TNRC6A: variants seen among roughly 807,000 people sequenced by gnomAD.
The protein encoded by TNRC6A is trinucleotide repeat containing adaptor 6A, also known as trinucleotide repeat-containing gene 6A protein.
A neutral mutation model predicts 221.2 loss-of-function variants in TNRC6A; 44 were observed. That is an observed-to-expected ratio of 0.20 (90% CI 0.16 to 0.26). The LOEUF (loss-of-function observed/expected upper bound fraction) is 0.26, where lower values mean the gene tolerates loss of function less well. Among genes scored for constraint, TNRC6A ranks in the 10% least tolerant of loss-of-function variants. The probability of loss-of-function intolerance (pLI) is 1.00; values close to 1 mark genes in which losing one functional copy is unlikely to be tolerated. For synonymous variants in TNRC6A, 847 were observed against 838.5 expected (o/e 1.01, Z -0.18); for missense variants, 2,199 against 2,404.4 (o/e 0.91, Z 1.79).
chr16:24,804,334 T>C lies in TNRC6A; in HGVS notation c.3837+15T>C. 1.9e-6 allele frequency: 3 copies of C among 1,608,098 alleles called. No homozygotes were observed. Among genetic ancestry groups the C allele is most frequent in the Non-Finnish European group, 2.5e-6 (3 of 1,178,748 alleles). ...ATTTTGATAAGGTAAGGTTTTTTAC[T>C]TTTACCTCTGACTTGATAAACCAGT... On this transcript the variant is annotated intron_variant, in intron 12 of 24. Transcript: ENST00000395799.
At chr16:24,729,464 G>GC (rs957342732), upstream of TNRC6A, among the ~76,000 whole-genome samples, 41 of 151,528 alleles carry the variant, frequency 2.7e-4, 2 homozygotes, top group Non-Finnish European at 4.4e-4. Context: ...GACTCCGCAG[G>GC]CCCCCCCAGC....
chr16:24,820,146 T>C lies in TNRC6A; in HGVS notation c.5088T>C (p.Asn1696=). ...SSTAQSTSAR[N]SDSKLTWSPG... ...TTTTCCCCCTTTGAGTAGCCAGAAA[T>C]AGTGATTCCAAATTGACATGGTCTC... Residue 1696 remains asparagine (N), a synonymous_variant, in exon 22 of 25, where the codon AAT becomes AAC. Transcript: ENST00000395799. 6.2e-7 allele frequency: 1 copy of C among 1,614,104 alleles called. No homozygotes were observed. Among genetic ancestry groups the C allele is most frequent in the Non-Finnish European group, 8.5e-7 (1 of 1,179,978 alleles).
At chr16:24,804,431 A>G (rs938441190) in intron 12 of TNRC6A, 112 bp downstream of exon 12, 9 of 1,279,340 alleles carry the variant, frequency 7.0e-6, no homozygotes, top group Admixed American at 3.0e-5. Flanking sequence ...ACAATCCACT[A>G]CCAAATCTTA....
At chr16:24,612,703 C>A (rs141289811) in intron 1 of TNRC6A, among the ~76,000 whole-genome samples, 2 of 151,812 alleles carry the variant, frequency 1.3e-5, no homozygotes, top group Non-Finnish European at 1.5e-5. Flanking sequence ...GCCATGATTG[C>A]GCCACTGCAC....
At chr16:24,806,865 C>T in intron 17 of TNRC6A, 81 bp downstream of exon 17, 1 of 1,320,682 alleles carries the variant, frequency 7.6e-7, no homozygotes, top group Non-Finnish European at 1.1e-6. Flanking sequence ...CCTTACAGCT[C>T]TGTTCCTTCA....
intron 2 of TNRC6A, among the ~76,000 whole-genome samples, chr16:24,691,137 A>C (rs559777078): frequency 1.4e-4 from 21 of 152,170 alleles, no homozygotes; most frequent in African/African-American, 4.6e-4. Context: ...AATGTGTTCC[A>C]TGGGAAGAAA....
At chr16:24,709,358 A>G (rs1195503388) in intron 2 of TNRC6A, among the ~76,000 whole-genome samples, 3 of 152,046 alleles carry the variant, frequency 2.0e-5, no homozygotes, top group Non-Finnish European at 1.5e-5. Flanking sequence ...TGGTTGATCT[A>G]CTTTTAGTTC....
At chr16:24,630,312 T>C (rs1362256506) in intron 1 of TNRC6A, among the ~76,000 whole-genome samples, 1 of 152,114 alleles carries the variant, frequency 6.6e-6, no homozygotes, top group East Asian at 1.9e-4. Flanking sequence ...CTTCTCATCA[T>C]CAACATTTCC....
chr16:24,687,616 C>T (rs2055652755), intron 2 of TNRC6A, among the ~76,000 whole-genome samples: 1 of 152,014 alleles, frequency 6.6e-6, no homozygotes, highest in Admixed American at 6.6e-5. Flanking sequence ...TAGTGAGATG[C>T]CCTTTCCCAT....
chr16:24,797,820 T>C, intron 10 of TNRC6A, 95 bp from the exon 11 acceptor site: 1 of 1,149,260 alleles, frequency 8.7e-7, no homozygotes, highest in Non-Finnish European at 1.2e-6. Context: ...CCACTTGAAT[T>C]TCACAGATAA....
intron 22 of TNRC6A, 114 bp from the exon 23 acceptor site, chr16:24,821,963 A>G (rs2058774063): frequency 1.0e-6 from 1 of 982,338 alleles, no homozygotes; most frequent in Non-Finnish European, 1.6e-6. Context: ...AAAGCCTCCC[A>G]TGTAGAAGTG....
chr16:24,801,165 G>A (rs2058324195), intron 11 of TNRC6A, among the ~76,000 whole-genome samples: 2 of 152,188 alleles, frequency 1.3e-5, no homozygotes, highest in South Asian at 2.1e-4. Flanking sequence ...GTGATATGAA[G>A]TGTAATTAAT....
intron 2 of TNRC6A, chr16:24,661,660 C>T (rs919629584): frequency 6.6e-6 from 1 of 152,186 alleles, no homozygotes; most frequent in Non-Finnish European, 1.5e-5. Context: ...CATCCGCCCG[C>T]CTCGGCCTCC....
In TNRC6A at chr16:24,823,967, A is replaced by T; in HGVS notation, c.*160A>T. The T allele has an allele frequency of 1.7e-6, 1 of 588,756 alleles. No homozygotes were observed. Among genetic ancestry groups the T allele is most frequent in the Non-Finnish European group, 2.6e-6 (1 of 387,712 alleles). The allele number at this position is 588,756 out of a possible 1,614,324, so 36.5% of individuals were successfully genotyped here. ...AAAACATATCAGTTTGAATACTTGA[A>T]TCATGCAGGCCAATATTATAATGTG... On this transcript the variant is annotated 3_prime_UTR_variant, in exon 25 of 25. Transcript: ENST00000395799. The surrounding 1 kb of genome is among the most constrained non-coding windows in gnomAD (Gnocchi z 4.3).
intron 2 of TNRC6A, among the ~76,000 whole-genome samples, chr16:24,649,186 T>G (rs1360010602): frequency 1.3e-5 from 2 of 152,214 alleles, no homozygotes; most frequent in African/African-American, 2.4e-5. Flanking sequence ...TTGTATATAT[T>G]TATGATGCAC....
upstream of TNRC6A, among the ~76,000 whole-genome samples, chr16:24,725,260 T>G (rs961695303): frequency 6.6e-6 from 1 of 152,020 alleles, no homozygotes; most frequent in African/African-American, 2.4e-5. Context: ...ACCTACCCCC[T>G]GCCCCAGCCT....
At chr16:24,805,582 T>C in intron 14 of TNRC6A, 23 bp from the exon 15 acceptor site, 1 of 1,613,536 alleles carries the variant, frequency 6.2e-7, no homozygotes. Context: ...TCAAGATCAT[T>C]AACTTACCAT....
intron 4 of TNRC6A, among the ~76,000 whole-genome samples, chr16:24,765,518 G>A (rs1306737196): frequency 6.6e-6 from 1 of 152,138 alleles, no homozygotes; most frequent in Non-Finnish European, 1.5e-5. Flanking sequence ...GTGTTGTAGG[G>A]TGGTATTAAG....
chr16:24,773,732 G>T (rs2057661303), intron 4 of TNRC6A, among the ~76,000 whole-genome samples: 1 of 151,374 alleles, frequency 6.6e-6, no homozygotes, highest in African/African-American at 2.4e-5. Context: ...CTTTTTAGTT[G>T]TTTTTTTTAT....
Sources: gnomAD v4.1 joint callset for allele counts (sites outside exome capture counted in the v4.1 genomes callset) on GRCh38, gnomAD v4.1.1 for gene constraint, Gnocchi (gnomAD v3.1) non-coding constraint, MANE v1.5 for transcripts, NCBI Gene and HGNC (gene_info 2026-07-23, HGNC 2026-07-21) for gene names.